The following TESK2 variants were observed in gnomAD, a reference collection of about 807,000 sequenced individuals.
TESK2 encodes the protein dual specificity testis-specific protein kinase 2.
A neutral mutation model predicts 57.1 loss-of-function variants in TESK2; 39 were observed. That is an observed-to-expected ratio of 0.68 (90% CI 0.53 to 0.89). The LOEUF is 0.89. Among genes scored for constraint, TESK2 ranks in the 40% least tolerant of loss-of-function variants. The probability of loss-of-function intolerance (pLI) is 0.00; values close to 1 mark genes in which losing one functional copy is unlikely to be tolerated. For missense variants in TESK2, 646 were observed against 732.1 expected, an observed-to-expected ratio of 0.88 and a Z score of 1.36; for synonymous variants, 249 against 267.9, an observed-to-expected ratio of 0.93 and a Z score of 0.69.
At chr1:45,371,896 C>T (rs1193629699) in intron 4 of TESK2, among the ~76,000 whole-genome samples, 1 of 151,316 alleles carries the variant, frequency 6.6e-6, no homozygotes, top group Non-Finnish European at 1.5e-5. Context: ...ATGGTTGTTA[C>T]CAGGAGCTGG....
chr1:45,380,401 ACGGTATTT>A (rs1648606960), intron 4 of TESK2, among the ~76,000 whole-genome samples: 1 of 152,140 alleles, frequency 6.6e-6, no homozygotes, highest in Admixed American at 6.5e-5. Context: ...CTTGATTTTG[ACGGTATTT>A]CCTTCTCTGT....
At chr1:45,435,276 G>A (rs2642901) in intron 2 of TESK2, among the ~76,000 whole-genome samples, 30,938 of 151,864 alleles carry the variant, frequency 0.2, 3,458 homozygotes, top group Non-Finnish European at 0.26. Context: ...ACAGGCACAC[G>A]CCACCACACC....
intron 3 of TESK2, among the ~76,000 whole-genome samples, chr1:45,396,738 C>T (rs1278233358): frequency 2.0e-5 from 3 of 151,758 alleles, no homozygotes; most frequent in Non-Finnish European, 4.4e-5. Flanking sequence ...ATCCACCTGC[C>T]TCGGCCTCCC....
chr1:45,463,790 A>G (rs1652428676), intron 1 of TESK2, among the ~76,000 whole-genome samples: 1 of 151,980 alleles, frequency 6.6e-6, no homozygotes, highest in Admixed American at 6.6e-5. Flanking sequence ...GGTTTTGCCA[A>G]GTTGCCCAGG....
intron 2 of TESK2, among the ~76,000 whole-genome samples, chr1:45,424,502 A>G (rs573340491): frequency 1.3e-5 from 2 of 152,354 alleles, no homozygotes; most frequent in East Asian, 3.9e-4. Context: ...AAAGAGAAGT[A>G]GCTTTCCATT....
rs887520416 is a variant in TESK2 at position 45,440,298 on chromosome 1, A to G, written c.222+17266T>C. On this transcript the variant is annotated intron_variant, in intron 2 of 10. Coordinates refer to ENST00000372086, the MANE Select transcript of TESK2 (RefSeq NM_007170.3). ...TCATTGCTCCAATAAAAGCCTGTAT[A>G]AAACATACAGAACGGACAAAGGAGG... 8.5e-5 allele frequency among the ~76,000 whole-genome samples: 13 copies of G among 152,282 alleles called. No homozygotes were observed. In the South Asian group the frequency reaches 2.1e-3, roughly 24 times the overall value.
chr1:45,478,258 C>A (rs1193807651), intron 1 of TESK2, among the ~76,000 whole-genome samples: 1 of 152,214 alleles, frequency 6.6e-6, no homozygotes, highest in Non-Finnish European at 1.5e-5. Flanking sequence ...CAGTAATCAT[C>A]TCATGTGGGA....
rs56091336 is a variant in TESK2, at chr1:45,422,779, T to TG, written c.223-934_223-933insC. 9.9e-3 allele frequency among the ~76,000 whole-genome samples: 1,494 copies of TG among 151,402 alleles called. 52 individuals are homozygous for TG. In the East Asian group the frequency reaches 0.13, roughly 13 times the overall value. On this transcript the variant is annotated intron_variant, in intron 2 of 10. Transcript: ENST00000372086. ...GGTTTTTTGTTGTTGTTGTTGTTGT[T>TG]TTTGTTTTGAGACAGAGTCTTGCTC... is the stretch of plus-strand genomic sequence containing the variant.
At chr1:45,347,260 T>C (rs1647157512) in intron 7 of TESK2, among the ~76,000 whole-genome samples, 198 bp from the exon 8 acceptor site, 1 of 152,090 alleles carries the variant, frequency 6.6e-6, no homozygotes, top group Admixed American at 6.5e-5. Flanking sequence ...GACACTCTGC[T>C]AAGAGTGGAT....
chr1:45,457,782 C>A lies in TESK2; in HGVS notation c.4G>T (p.Asp2Tyr). The A allele has an allele frequency of 3.7e-6, 6 of 1,613,602 alleles. No homozygotes were observed. The highest frequency in any genetic ancestry group is 5.1e-6 in the Non-Finnish European group (6 of 1,179,594). The change falls in exon 2 of 11, where the codon GAT becomes TAT. Residue 2 changes from aspartate (D) to tyrosine (Y), a missense_variant. By Grantham distance (160) the Asp-to-Tyr change is radical (BLOSUM62 -3). Transcript: ENST00000372086. Reference protein sequence around the residue: MDRSKRNSIAGF... With the variant: MYRSKRNSIAGF... The stretch of plus-strand genomic sequence containing the variant: ...GCAATTGAATTCCGTTTGCTCCGAT[C>A]CATAGTCTAAATAATCACTTTTTTC...
chr1:45,425,315 A>G (rs909262263), intron 2 of TESK2, among the ~76,000 whole-genome samples: 2 of 152,222 alleles, frequency 1.3e-5, no homozygotes. Context: ...AGTAGCTCCA[A>G]ATAAAATTAA....
chr1:45,345,546 T>C lies in TESK2; in HGVS notation c.1010A>G (p.Lys337Arg). 3 of 1,613,570 alleles carry C rather than the reference T, an allele frequency of 1.9e-6. No individual in the cohort carries two copies. The highest frequency in any genetic ancestry group is 2.5e-6 in the Non-Finnish European group (3 of 1,179,740). ...GCTTAGTCGCTTCACCCCAGGTGCT[T>C]TCTCCAAGAGTCCTGAAGAATAATC... ...LQPTARGLLE[K>R]APGVKRLSSL... The change falls in exon 11 of 11, where the codon AAA (lysine) becomes AGA (arginine). Residue 337 changes from lysine to arginine, a missense_variant. Physicochemically the swap from Lys to Arg is conservative, Grantham distance 26. Coordinates refer to ENST00000372086, the MANE Select transcript of TESK2 (RefSeq NM_007170.3).
intron 4 of TESK2, among the ~76,000 whole-genome samples, chr1:45,381,608 T>G (rs1045271885): frequency 6.6e-6 from 1 of 152,152 alleles, no homozygotes; most frequent in Non-Finnish European, 1.5e-5. Context: ...GATGCATGAG[T>G]GAGCCTGAGA....
rs541741715 is a variant in TESK2, at chr1:45,483,552, A to G, written c.-87+7300T>C. ...GGCAGAGGTTGCAGTGAGCTGTGCCATTGCACTACAGCCTGGGCAACAAGA... is the reference window on the plus strand; with the variant it reads ...GGCAGAGGTTGCAGTGAGCTGTGCCGTTGCACTACAGCCTGGGCAACAAGA... On this transcript the variant is annotated intron_variant, in intron 1 of 10. Transcript: ENST00000372086. Among the ~76,000 whole-genome samples the G allele has an allele frequency of 4.3e-4, 65 of 151,838 alleles. 3 individuals are homozygous for G. The highest frequency in any genetic ancestry group is 1.5e-3 in the African/African-American group (63 of 41,394).
At chr1:45,468,952 CA>C (rs1366608110) in intron 1 of TESK2, among the ~76,000 whole-genome samples, 1 of 152,160 alleles carries the variant, frequency 6.6e-6, no homozygotes, top group Non-Finnish European at 1.5e-5. Context: ...CAAAAATGCC[CA>C]AATTATGTGG....
chr1:45,390,104 C>T (rs1460844214), intron 3 of TESK2, among the ~76,000 whole-genome samples: 1 of 152,024 alleles, frequency 6.6e-6, no homozygotes, highest in Non-Finnish European at 1.5e-5. Context: ...ATGACCCTAG[C>T]CTACAAATAT....
At chr1:45,413,052 T>C (rs1191750462) in intron 3 of TESK2, among the ~76,000 whole-genome samples, 1 of 152,092 alleles carries the variant, frequency 6.6e-6, no homozygotes, top group Non-Finnish European at 1.5e-5. Flanking sequence ...AAAAGGCCAC[T>C]GGGGAGTGGA....
intron 3 of TESK2, among the ~76,000 whole-genome samples, chr1:45,404,544 A>T (rs1327963728): frequency 2.0e-5 from 3 of 151,598 alleles, no homozygotes; most frequent in Admixed American, 1.3e-4. Context: ...TATTTTATTT[A>T]ATTATTTTTT....
chr1:45,463,352 C>T (rs1036606789), intron 1 of TESK2, among the ~76,000 whole-genome samples: 1 of 152,142 alleles, frequency 6.6e-6, no homozygotes, highest in Non-Finnish European at 1.5e-5. Flanking sequence ...CCTTGTAGTA[C>T]TTTCACAGTT....
Sources: gnomAD v4.1 joint callset for allele counts (sites outside exome capture counted in the v4.1 genomes callset) on GRCh38, gnomAD v4.1.1 for gene constraint, MANE v1.5 for transcripts, NCBI Gene and HGNC (gene_info 2026-07-23, HGNC 2026-07-21) for gene names.